The following ROBO3 variants were observed in gnomAD, a reference collection of about 807,000 sequenced individuals.
The protein encoded by ROBO3 is roundabout homolog 3.
A neutral mutation model predicts 160.5 loss-of-function variants in ROBO3; 97 were observed. The observed-to-expected ratio is 0.60, with a 90% CI of 0.51 to 0.72. ROBO3 has a LOEUF of 0.72. ROBO3 is among the 30% of genes least tolerant of loss of function. The probability of loss-of-function intolerance (pLI) is 0.00; values close to 1 mark genes in which losing one functional copy is unlikely to be tolerated. For missense variants in ROBO3, 1,858 were observed against 1,846.5 expected (o/e 1.01, Z -0.11); for synonymous variants, 780 against 746.2 (o/e 1.05, Z -0.74).
intron 19 of ROBO3, 70 bp from the exon 20 acceptor site, chr11:124,877,422 CCGCCACTGTCCTGAAACTCCCGAATAT>C (rs1946415168): frequency 4.4e-6 from 7 of 1,589,730 alleles, no homozygotes; most frequent in Non-Finnish European, 6.0e-6. Flanking sequence ...CCCAACACCA[CCGCCACTGTCCTGAAACTCCCGAATAT>C]CGCCACCTCC....
Position 124,870,016 on chromosome 11 carries a change from C to G in ROBO3, c.714C>G (p.Ala238=). The G allele has an allele frequency of 2.5e-6, 4 of 1,614,036 alleles. No individual in the cohort carries two copies. The highest frequency in any genetic ancestry group is 3.4e-6 in the Non-Finnish European group (4 of 1,179,898). Residue 238 remains alanine, a synonymous_variant, in exon 4 of 28, where the codon GCC becomes GCG. Transcript: ENST00000397801. ...KSDAGMYVCV[A]SNMAGERESA... is the part of the protein sequence containing the mutation. ...ATGCAGGCATGTATGTGTGCGTAGC[C>G]TCCAACATGGCGGGAGAACGGGAGA... is the stretch of plus-strand genomic sequence containing the variant.
chr11:124,869,477 C>A lies in ROBO3; in HGVS notation c.515C>A (p.Pro172His). The part of the protein sequence containing the change: ...AVLRDDFRQS[P>H]GNVVVAVGEP... ...CTCCGTGATGATTTCCGGCAGTCTC[C>A]TGGAAACGTGGTGGTGGCAGTGGGG... Residue 172 changes from proline to histidine, a missense_variant, in exon 3 of 28, where the codon CCT becomes CAT. Transcript: ENST00000397801. The surrounding 1 kb of genome is among the most constrained non-coding windows in gnomAD (Gnocchi z 4.2). The A allele has an allele frequency of 6.5e-7, 1 of 1,531,316 alleles. No individual in the cohort carries two copies. Among genetic ancestry groups the A allele is most frequent in the African/African-American group, 1.4e-5 (1 of 69,878 alleles). The allele number at this position is 1,531,316 out of a possible 1,614,324, so 94.9% of individuals were successfully genotyped here. A position where few individuals can be genotyped will look rare whatever the true frequency, so the allele number is the denominator to read the frequency against.
Position 124,869,970 on chromosome 11 carries a change from T to C in ROBO3, c.668T>C (p.Met223Thr), listed in dbSNP as rs1368679644. 6.2e-7 allele frequency: 1 copy of C among 1,611,896 alleles called. No individual in the cohort carries two copies. Among genetic ancestry groups the C allele is most frequent in the African/African-American group, 1.3e-5 (1 of 75,000 alleles). Residue 223 changes from methionine (M) to threonine (T), a missense_variant, in exon 4 of 28, where the codon ATG becomes ACG. By Grantham distance (81) the Met-to-Thr change is moderately conservative (BLOSUM62 -1). Transcript: ENST00000397801. The surrounding 1 kb of genome is among the most constrained non-coding windows in gnomAD (Gnocchi z 4.2). ...RITIRGGKLM[M>T]SHTLKSDAGM... ...CAGATCCGTGGAGGGAAGCTGATGA[T>C]GTCACATACACTCAAGAGCGATGCA...
chr11:124,868,910 G>T lies in ROBO3; in HGVS notation c.269G>T (p.Arg90Leu), dbSNP rs2135324457. The T allele has an allele frequency of 6.2e-7, 1 of 1,607,510 alleles. No individual in the cohort carries two copies. Among genetic ancestry groups the T allele is most frequent in the South Asian group, 1.1e-5 (1 of 89,748 alleles). ...ACGTTGCCCTGCCGCGCTGAAGGCCGACCCCGACCCAACATTGAGTGGTAC... is the reference window on the plus strand; with the variant it reads ...ACGTTGCCCTGCCGCGCTGAAGGCCTACCCCGACCCAACATTGAGTGGTAC... Reference protein sequence around the residue: ...PATLPCRAEGRPRPNIEWYKN... With the variant: ...PATLPCRAEGLPRPNIEWYKN... The change falls in exon 2 of 28, where the codon CGA (arginine) becomes CTA (leucine). Residue 90 changes from arginine (R) to leucine (L), a missense_variant. Transcript: ENST00000397801.
At position 124,877,599 on chromosome 11, in the gene ROBO3, A is replaced by G. The variant is rs139169598; in HGVS notation, c.2927A>G (p.Gln976Arg). Residue 976 changes from glutamine to arginine, a missense_variant, in exon 20 of 28, where the codon CAG (glutamine) becomes CGG (arginine). Transcript: ENST00000397801. Reference sequence around the variant, plus strand: ...CACCCATCTCGAAGCCCCTCGGCCCAGGAACCCAGGGGAAGCTGCTGCCCT... The same window carrying G: ...CACCCATCTCGAAGCCCCTCGGCCCGGGAACCCAGGGGAAGCTGCTGCCCT... ...WPHPSRSPSA[Q>R]EPRGSCCPSN... The G allele has an allele frequency of 6.2e-7, 1 of 1,608,786 alleles. No individual in the cohort carries two copies. The highest frequency in any genetic ancestry group is 1.1e-5 in the South Asian group (1 of 89,784).
chr11:124,869,135 G>A lies in ROBO3; in HGVS notation c.487+7G>A, dbSNP rs1335625073. 6.5e-7 allele frequency: 1 copy of A among 1,538,536 alleles called. No individual in the cohort carries two copies. The highest frequency in any genetic ancestry group is 8.8e-7 in the Non-Finnish European group (1 of 1,142,360). ...GCCTCGCTGGAAGTGGCAGGTGAGA[G>A]TCAGTTGACCGTCAGCTGGTTGCTT... On this transcript the variant is annotated splice_region_variant and intron_variant, in intron 2 of 27. Coordinates refer to ENST00000397801, the MANE Select transcript of ROBO3 (RefSeq NM_022370.4). This position sits in a 1 kb window ranked among gnomAD's most constrained non-coding sequence, Gnocchi z 4.2.
chr11:124,868,829 T>C lies in ROBO3; in HGVS notation c.188T>C (p.Met63Thr). ...TCAAGGGTAGGACCGGAGGACGCTA[T>C]GCCCCGCATCGTGGAGCAGCCGCCA... ...NGSRVGPEDA[M>T]PRIVEQPPDL... Residue 63 changes from methionine to threonine, a missense_variant, in exon 2 of 28, where the codon ATG becomes ACG. Physicochemically the swap from Met to Thr is moderately conservative, Grantham distance 81 (BLOSUM62 -1). Transcript: ENST00000397801. The C allele has an allele frequency of 6.2e-7, 1 of 1,610,196 alleles. No homozygotes were observed. Among genetic ancestry groups the C allele is most frequent in the Non-Finnish European group, 8.5e-7 (1 of 1,178,782 alleles).
At position 124,876,354 on chromosome 11, in the gene ROBO3, C is replaced by T. The variant is rs756727754; in HGVS notation, c.2673C>T (p.Pro891=). ...GGCTGGCGAGGGTGCTGCGGGAGCC[C>T]GCCTTCCTCGCGGGCAGCGGCGCAG... is the stretch of plus-strand genomic sequence containing the variant. The part of the protein sequence containing the change: ...AVRLARVLRE[P]AFLAGSGAAC... Residue 891 remains proline, a synonymous_variant, in exon 17 of 28, where the codon CCC becomes CCT. Coordinates refer to ENST00000397801, the MANE Select transcript of ROBO3 (RefSeq NM_022370.4). The surrounding 1 kb of genome is among the most constrained non-coding windows in gnomAD (Gnocchi z 5.3). The T allele has an allele frequency of 4.9e-6, 7 of 1,431,390 alleles. No homozygotes were observed. Among genetic ancestry groups the T allele is most frequent in the Non-Finnish European group, 6.4e-6 (7 of 1,101,194 alleles). 88.7% of individuals were successfully genotyped at this position (1,431,390 alleles called of 1,614,324 possible). A position where few individuals can be genotyped will look rare whatever the true frequency, so the allele number is the denominator to read the frequency against.
At position 124,880,477 on chromosome 11, in the gene ROBO3, A is replaced by G; in HGVS notation, c.4018A>G (p.Thr1340Ala). ...SFLSRGQGTS[T>A]CSTAGSNSSR... ...CCTGTCCCGGGGCCAGGGCACCAGC[A>G]CATGTTCCACGGCCGGCAGCAACTC... The change falls in exon 27 of 28, where the codon ACA (threonine) becomes GCA (alanine). Residue 1340 changes from threonine (T) to alanine (A), a missense_variant. Coordinates refer to ENST00000397801, the MANE Select transcript of ROBO3 (RefSeq NM_022370.4). 1.2e-6 allele frequency: 2 copies of G among 1,608,736 alleles called. No homozygotes were observed. Among genetic ancestry groups the G allele is most frequent in the Non-Finnish European group, 1.7e-6 (2 of 1,177,646 alleles).
intron 23 of ROBO3, 124 bp from the exon 24 acceptor site, chr11:124,879,066 C>G: frequency 8.4e-7 from 1 of 1,188,418 alleles, no homozygotes; most frequent in South Asian, 1.5e-5. Flanking sequence ...CTTGGGAGGA[C>G]TTACGGGCGG....
intron 1 of ROBO3, 177 bp from the exon 2 acceptor site, chr11:124,868,625 C>T: frequency 2.7e-6 from 2 of 730,096 alleles, no homozygotes; most frequent in Non-Finnish European, 4.8e-6. Flanking sequence ...GAACGCGGAA[C>T]GTCTGCCAAT....
chr11:124,869,433 CCCA>C lies in ROBO3; in HGVS notation c.488-14_488-12del. On this transcript the variant is annotated splice_polypyrimidine_tract_variant and intron_variant, in intron 2 of 27. Transcript: ENST00000397801. This position sits in a 1 kb window ranked among gnomAD's most constrained non-coding sequence, Gnocchi z 4.2. ...ACTCTACACCCTGCTTATTTCGCCC[CCCA>C]CCGCCCCGCCCAGTCCTCCGTGATG... The C allele has an allele frequency of 1.5e-5, 20 of 1,317,716 alleles. No homozygotes were observed. The highest frequency in any genetic ancestry group is 1.6e-5 in the African/African-American group (1 of 63,726). The allele number at this position is 1,317,716 out of a possible 1,614,324, so 81.6% of individuals were successfully genotyped here.
chr11:124,870,250 T>C lies in ROBO3; in HGVS notation c.852T>C (p.Asp284=). ...CTTTCCTATGTGAGGTGAAGGGGGA[T>C]CCCCCACCTCGTCTACGCTGGCGCA... ...PVTFLCEVKG[D]PPPRLRWRKE... is the part of the protein sequence containing the mutation. The change falls in exon 5 of 28, where the codon GAT becomes GAC. Residue 284 remains aspartate (D), a synonymous_variant. Coordinates refer to ENST00000397801, the MANE Select transcript of ROBO3 (RefSeq NM_022370.4). 6 of 1,613,838 alleles carry C rather than the reference T, an allele frequency of 3.7e-6. No individual in the cohort carries two copies. The highest frequency in any genetic ancestry group is 5.1e-6 in the Non-Finnish European group (6 of 1,179,854).
intron 5 of ROBO3, 39 bp downstream of exon 5, chr11:124,870,342 G>T: frequency 1.3e-6 from 2 of 1,594,382 alleles, no homozygotes; most frequent in African/African-American, 1.3e-5. Flanking sequence ...GACCCAACCT[G>T]ATCAAGAGAC....
At chr11:124,868,569 C>A in intron 1 of ROBO3, 1 of 642,120 alleles carries the variant, frequency 1.6e-6, no homozygotes, top group South Asian at 1.8e-5. Flanking sequence ...GTGTCCCGAT[C>A]CCTCTACTAA....
In ROBO3 at chr11:124,877,317, T is replaced by A; in HGVS notation, c.2846+8T>A. Reference sequence around the variant, plus strand: ...CTCTGGAGCCAGTTCCAGGTAATTCTCTTAGCCCATTTCCTCAGGATGACC... The same window carrying A: ...CTCTGGAGCCAGTTCCAGGTAATTCACTTAGCCCATTTCCTCAGGATGACC... On this transcript the variant is annotated splice_region_variant and intron_variant, in intron 19 of 27. Transcript: ENST00000397801. 1 of 1,613,788 alleles carries A rather than the reference T, an allele frequency of 6.2e-7. No individual in the cohort carries two copies. The highest frequency in any genetic ancestry group is 8.5e-7 in the Non-Finnish European group (1 of 1,179,806).
chr11:124,865,849 C>CTGGGAGGCGCCA lies in ROBO3; in HGVS notation c.160+112_160+113insTGGGAGGCGCCA. 6.0e-6 allele frequency: 7 copies of CTGGGAGGCGCCA among 1,175,492 alleles called. No individual in the cohort carries two copies. The highest frequency in any genetic ancestry group is 8.2e-6 in the Non-Finnish European group (7 of 854,290). 72.8% of individuals were successfully genotyped at this position (1,175,492 alleles called of 1,614,324 possible). ...TCCCGAGGTCCGGGATTGAGTGGCGCCTCCCAGCGCCTCCCTGGGTCGTGG... is the reference window on the plus strand; with the variant it reads ...TCCCGAGGTCCGGGATTGAGTGGCGCTGGGAGGCGCCACTCCCAGCGCCTCCCTGGGTCGTGG... On this transcript the variant is annotated intron_variant, in intron 1 of 27. Transcript: ENST00000397801. The surrounding 1 kb of genome is among the most constrained non-coding windows in gnomAD (Gnocchi z 5.5).
Position 124,876,831 on chromosome 11 carries a change from G to T in ROBO3, c.2780-330G>T, listed in dbSNP as rs1017160713. 1.4e-4 allele frequency: 78 copies of T among 546,458 alleles called. 3 individuals carry two copies. The Admixed American group carries it at 2.4e-3, about 17-fold the overall frequency. The allele number at this position is 546,458 out of a possible 1,614,324, so 33.9% of individuals were successfully genotyped here. On this transcript the variant is annotated intron_variant, in intron 17 of 27. Transcript: ENST00000397801. The surrounding 1 kb of genome is among the most constrained non-coding windows in gnomAD (Gnocchi z 5.3). ...AGGATCCCAGGCAGTAAATTGTGCG[G>T]CGGGGTCTGGATGGAAAGGCGGGGC...
In ROBO3 at chr11:124,873,144, C is replaced by A; in HGVS notation, c.1536+55C>A. On this transcript the variant is annotated intron_variant, in intron 9 of 27. Coordinates refer to ENST00000397801, the MANE Select transcript of ROBO3 (RefSeq NM_022370.4). This position sits in a 1 kb window ranked among gnomAD's most constrained non-coding sequence, Gnocchi z 4.5. ...TGAGAATGGCTATCTGCTCCACGTT[C>A]CTTACACAAGTAAGTACTCACTGGG... is the stretch of plus-strand genomic sequence containing the variant. The A allele has an allele frequency of 6.4e-7, 1 of 1,556,100 alleles. No homozygotes were observed. Among genetic ancestry groups the A allele is most frequent in the Non-Finnish European group, 8.8e-7 (1 of 1,135,852 alleles).
Sources: allele counts gnomAD v4.1 joint callset, GRCh38; gene constraint gnomAD v4.1.1; non-coding constraint Gnocchi (gnomAD v3.1); transcripts MANE v1.5; gene names NCBI Gene and HGNC (gene_info 2026-07-23, HGNC 2026-07-21).